INPP5F: variants seen among roughly 807,000 people sequenced by gnomAD.
INPP5F encodes the protein inositol polyphosphate-5-phosphatase F, also known as phosphatidylinositide 4-phosphatase SAC2.
Under a neutral mutation model 137.2 loss-of-function variants are expected in INPP5F, and 97 were observed. The ratio of observed to expected loss-of-function variants is 0.71; its 90% CI spans 0.60 to 0.84. The LOEUF (loss-of-function observed/expected upper bound fraction) is 0.84. Among genes scored for constraint, INPP5F ranks in the 40% least tolerant of loss-of-function variants. The pLI is 0.00. For synonymous variants in INPP5F, 504 were observed against 476.9 expected (o/e 1.06, Z -0.74); for missense variants, 1,271 against 1,371.9 (o/e 0.93, Z 1.16).
chr10:119,797,778 TAGAA>T (rs1334516818), intron 8 of INPP5F, 138 bp downstream of exon 8: 204 of 626,572 alleles, frequency 3.3e-4, no homozygotes, highest in Admixed American at 4.2e-4. Context: ...AAAAATGTAA[TAGAA>T]AGTAATGTAA....
chr10:119,744,403 T>C (rs1421748151), intron 1 of INPP5F, among the ~76,000 whole-genome samples: 1 of 152,184 alleles, frequency 6.6e-6, no homozygotes, highest in Non-Finnish European at 1.5e-5. Flanking sequence ...GCTTCTCTTC[T>C]CCATTTCTGT....
intron 1 of INPP5F, among the ~76,000 whole-genome samples, chr10:119,741,835 ATTAT>A (rs1330676660): frequency 6.6e-6 from 1 of 151,538 alleles, no homozygotes; most frequent in Non-Finnish European, 1.5e-5. Context: ...GTGCCTGGCC[ATTAT>A]TTATTTTTTT....
chr10:119,754,664 A>G (rs1848784503), intron 2 of INPP5F, among the ~76,000 whole-genome samples: 2 of 151,994 alleles, frequency 1.3e-5, no homozygotes, highest in Non-Finnish European at 2.9e-5. Context: ...GGAGGAAGCA[A>G]AGGGAAACAC....
chr10:119,818,046 C>T (rs375935596), intron 15 of INPP5F, among the ~76,000 whole-genome samples: 2 of 152,350 alleles, frequency 1.3e-5, no homozygotes, highest in East Asian at 3.9e-4. Flanking sequence ...CATTGGTCGC[C>T]GGATACAGAG....
At chr10:119,779,948 A>T (rs910289271) in intron 2 of INPP5F, among the ~76,000 whole-genome samples, 3 of 152,200 alleles carry the variant, frequency 2.0e-5, no homozygotes, top group Non-Finnish European at 2.9e-5. Flanking sequence ...AGTATAGCAA[A>T]TATGTAAACC....
At chr10:119,761,860 T>C (rs531312756) in intron 2 of INPP5F, among the ~76,000 whole-genome samples, 4 of 152,324 alleles carry the variant, frequency 2.6e-5, no homozygotes, top group African/African-American at 9.6e-5. Context: ...GAGCATAATA[T>C]GCCTTGGAAT....
intron 17 of INPP5F, 30 bp downstream of exon 17, chr10:119,822,534 A>C: frequency 9.3e-7 from 1 of 1,071,070 alleles, no homozygotes. Flanking sequence ...TCAAGTCATC[A>C]AAAGCAAATG....
chr10:119,761,378 C>G (rs1301303194), intron 2 of INPP5F, among the ~76,000 whole-genome samples: 1 of 152,172 alleles, frequency 6.6e-6, no homozygotes, highest in African/African-American at 2.4e-5. Context: ...TAATAGTTGG[C>G]TCTTTAGTCA....
intron 9 of INPP5F, among the ~76,000 whole-genome samples, chr10:119,800,385 C>T (rs1365359713): frequency 3.4e-5 from 5 of 145,118 alleles, no homozygotes; most frequent in Admixed American, 1.4e-4. Flanking sequence ...GAAACCCTGT[C>T]TCTACTGAAA....
Position 119,791,564 on chromosome 10 carries a change from A to G in INPP5F, c.363A>G (p.Ile121Met). Residue 121 changes from isoleucine to methionine, a missense_variant, in exon 4 of 20, where the codon ATA becomes ATG. Ile to Met is a conservative substitution (Grantham distance 10, BLOSUM62 1). Coordinates refer to ENST00000650623, the MANE Select transcript of INPP5F (RefSeq NM_014937.4). ...HFGINKPEKIIPSPDDSKFLL... is the reference protein window; with the variant it reads ...HFGINKPEKIMPSPDDSKFLL... ...GTATTAACAAACCAGAGAAGATCAT[A>G]CCATCTCCTGATGACTCAAAGTTTC... 1 of 1,602,106 alleles carries G rather than the reference A, an allele frequency of 6.2e-7. No homozygotes were observed.
intron 2 of INPP5F, among the ~76,000 whole-genome samples, chr10:119,755,554 T>C (rs928479692): frequency 1.6e-4 from 25 of 152,200 alleles, no homozygotes; most frequent in African/African-American, 5.5e-4. Flanking sequence ...GGAAACAGTT[T>C]AGCCCATAAC....
At chr10:119,815,345 C>T (rs1022073380) in intron 15 of INPP5F, 3 of 152,430 alleles carry the variant, frequency 2.0e-5, no homozygotes, top group Admixed American at 1.3e-4. Flanking sequence ...TATTCTTTAC[C>T]TGTGTTACGT....
At chr10:119,757,875 T>C (rs1848897555) in intron 2 of INPP5F, among the ~76,000 whole-genome samples, 2 of 152,234 alleles carry the variant, frequency 1.3e-5, no homozygotes, top group Non-Finnish European at 1.5e-5. Context: ...TGTCTTCTCA[T>C]GGAAATAACC....
rs181082228 is a variant in INPP5F, at chr10:119,800,480, A to G, written c.1116+1870A>G. 3.0e-3 allele frequency among the ~76,000 whole-genome samples: 460 copies of G among 151,760 alleles called. 5 individuals are homozygous for G. The highest frequency in any genetic ancestry group is 0.011 in the African/African-American group (448 of 41,404). On this transcript the variant is annotated intron_variant, in intron 9 of 19. Transcript: ENST00000650623. ...GAGGCTGAGGCAGGAGAATTGCTTGAACCCAGGAGGCAGAGGTTGCAGTAA... is the reference window on the plus strand; with the variant it reads ...GAGGCTGAGGCAGGAGAATTGCTTGGACCCAGGAGGCAGAGGTTGCAGTAA...
intron 9 of INPP5F, among the ~76,000 whole-genome samples, chr10:119,801,671 T>A (rs774541253): frequency 1.3e-5 from 2 of 152,060 alleles, no homozygotes; most frequent in Non-Finnish European, 2.9e-5. Flanking sequence ...GCCCAGCAGG[T>A]GAAGGCTGCA....
At position 119,777,234 on chromosome 10, in the gene INPP5F, C is replaced by T. The variant is rs139744172; in HGVS notation, c.179-4401C>T. The stretch of plus-strand genomic sequence containing the variant: ...TCACTGTAGGATAGAAATGGCCGGG[C>T]GCAGTGGTGCACACCTGTAATCCCA... On this transcript the variant is annotated intron_variant, in intron 2 of 19. Coordinates refer to ENST00000650623, the MANE Select transcript of INPP5F (RefSeq NM_014937.4). Among the ~76,000 whole-genome samples, 288 of 152,166 alleles carry T rather than the reference C, an allele frequency of 1.9e-3. 2 individuals carry two copies. Among genetic ancestry groups the T allele is most frequent in the African/African-American group, 6.5e-3 (268 of 41,498 alleles).
chr10:119,780,356 C>A (rs116185225), intron 2 of INPP5F, among the ~76,000 whole-genome samples: 1,796 of 152,264 alleles, frequency 0.012, 33 homozygotes, highest in African/African-American at 0.041. Context: ...TGGCAGATTG[C>A]TTGAGCCCAG....
intron 2 of INPP5F, among the ~76,000 whole-genome samples, chr10:119,771,416 A>AG (rs1341217540): frequency 6.6e-6 from 1 of 151,484 alleles, no homozygotes; most frequent in Non-Finnish European, 1.5e-5. Context: ...TTAAATTTTT[A>AG]GGTAGTACAA....
intron 1 of INPP5F, among the ~76,000 whole-genome samples, chr10:119,745,243 G>A (rs529340153): frequency 6.6e-6 from 1 of 151,996 alleles, no homozygotes; most frequent in East Asian, 1.9e-4. Context: ...CTTCTTTTGA[G>A]GACTTTCATG....
Sources: allele counts gnomAD v4.1 joint callset (sites outside exome capture counted in the v4.1 genomes callset), GRCh38; gene constraint gnomAD v4.1.1; transcripts MANE v1.5; gene names NCBI Gene and HGNC (gene_info 2026-07-23, HGNC 2026-07-21).